PLK1: variants seen among roughly 807,000 people sequenced by gnomAD.
The protein encoded by PLK1 is serine/threonine-protein kinase PLK1.
Under a neutral mutation model 56.7 loss-of-function variants are expected in PLK1, and 6 were observed. The observed-to-expected ratio is 0.11, with a 90% CI of 0.06 to 0.21. The LOEUF (loss-of-function observed/expected upper bound fraction) is 0.21, where lower values mean the gene tolerates loss of function less well. Among genes scored for constraint, PLK1 ranks in the 10% least tolerant of loss-of-function variants. The pLI is 1.00. For synonymous variants in PLK1, 298 were observed against 325.0 expected (o/e 0.92, Z 0.89); for missense variants, 546 against 814.4 (o/e 0.67, Z 4.01).
chr16:23,687,462 T>G lies in PLK1; in HGVS notation c.1037-7T>G. 1 of 1,560,402 alleles carries G rather than the reference T, an allele frequency of 6.4e-7. No homozygotes were observed. On this transcript the variant is annotated splice_polypyrimidine_tract_variant and splice_region_variant and intron_variant, in intron 5 of 9. Transcript: ENST00000300093. ...TCCCAACGCCCCTGTTTTTGTCACC[T>G]TCCTAGGCTTGGAGAACCCCCTGCC... is the stretch of plus-strand genomic sequence containing the variant.
At position 23,689,082 on chromosome 16, in the gene PLK1, T is replaced by A. The variant is rs1959485305; in HGVS notation, c.1271-156T>A. ...AATATTTTGTAGAGATGGGGTCTCA[T>A]TACGTTGCCCAGGCTGGTCTCAAAC... On this transcript the variant is annotated intron_variant, in intron 7 of 9. Coordinates refer to ENST00000300093, the MANE Select transcript of PLK1 (RefSeq NM_005030.6). This position sits in a 1 kb window ranked among gnomAD's most constrained non-coding sequence, Gnocchi z 4.8. Among the ~76,000 whole-genome samples the A allele has an allele frequency of 6.6e-6, 1 of 152,090 alleles. No individual in the cohort carries two copies. The highest frequency in any genetic ancestry group is 1.5e-5 in the Non-Finnish European group (1 of 68,000).
Position 23,689,445 on chromosome 16 carries a change from T to C in PLK1, c.1426-49T>C. 1 of 1,601,104 alleles carries C rather than the reference T, an allele frequency of 6.2e-7. No individual in the cohort carries two copies. Among genetic ancestry groups the C allele is most frequent in the South Asian group, 1.1e-5 (1 of 90,804 alleles). ...GGTGTTGCAGAAGTGGGACCTGTGC[T>C]GGAGGATCAGACTCTAATTCTGGAA... On this transcript the variant is annotated intron_variant, in intron 8 of 9. Coordinates refer to ENST00000300093, the MANE Select transcript of PLK1 (RefSeq NM_005030.6). The surrounding 1 kb of genome is among the most constrained non-coding windows in gnomAD (Gnocchi z 4.8).
intron 5 of PLK1, among the ~76,000 whole-genome samples, chr16:23,684,957 CTTTTTTTTTTTTTTTTTTTTTTTTTT>C (rs71154221): frequency 6.3e-4 from 36 of 56,942 alleles, no homozygotes; most frequent in South Asian, 2.5e-3. Context: ...CAGGCCCGGC[CTTTTTTTTTTTTTTTTTTTTTTTTTT>C]TTTTTTTTTT....
Position 23,687,673 on chromosome 16 carries a change from G to C in PLK1, c.1192+49G>C, listed in dbSNP as rs751761249. On this transcript the variant is annotated intron_variant, in intron 6 of 9. Transcript: ENST00000300093. ...GGGGCAGGATTGCTTGGGGCATCTG[G>C]AAAAGGCAGGAGGAGGCTTGGCCAA... 2.1e-6 allele frequency: 3 copies of C among 1,405,220 alleles called. No homozygotes were observed. The African/African-American group carries it at 4.3e-5, about 20-fold the overall frequency. The allele number at this position is 1,405,220 out of a possible 1,614,324, so 87.0% of individuals were successfully genotyped here. A position where few individuals can be genotyped will look rare whatever the true frequency, so the allele number is the denominator to read the frequency against.
At chr16:23,687,415 T>G (rs1199246320) in intron 5 of PLK1, 54 bp from the exon 6 acceptor site, 1 of 1,399,042 alleles carries the variant, frequency 7.1e-7, no homozygotes, top group Non-Finnish European at 9.6e-7. Context: ...GTTTCAGCTG[T>G]GGCAGGGGAG....
rs1959471391 is a variant in PLK1 at position 23,688,653 on chromosome 16, C to A, written c.1193-15C>A. 1.9e-6 allele frequency: 3 copies of A among 1,602,510 alleles called. No individual in the cohort carries two copies. The highest frequency in any genetic ancestry group is 2.6e-6 in the Non-Finnish European group (3 of 1,169,442). On this transcript the variant is annotated splice_polypyrimidine_tract_variant and intron_variant, in intron 6 of 9. Coordinates refer to ENST00000300093, the MANE Select transcript of PLK1 (RefSeq NM_005030.6). Reference sequence around the variant, plus strand: ...TGGTCCTGACCAACTAACTGTCTGTCTGTTTCTGTCTCAGAGGAGGCTGAG... The same window carrying A: ...TGGTCCTGACCAACTAACTGTCTGTATGTTTCTGTCTCAGAGGAGGCTGAG...
intron 1 of PLK1, 91 bp from the exon 2 acceptor site, chr16:23,679,993 C>A: frequency 1.1e-6 from 1 of 870,622 alleles, no homozygotes; most frequent in Non-Finnish European, 1.8e-6. Context: ...AGAGTCCAGT[C>A]CTGTGCTTCC....
rs749143196 is a variant in PLK1 at position 23,689,229 on chromosome 16, G to T, written c.1271-9G>T. On this transcript the variant is annotated splice_polypyrimidine_tract_variant and intron_variant, in intron 7 of 9. Transcript: ENST00000300093. The surrounding 1 kb of genome is among the most constrained non-coding windows in gnomAD (Gnocchi z 4.8). The stretch of plus-strand genomic sequence containing the variant: ...CCCCTTTCTGAGACCTCTCTCCACC[G>T]ATCCCTAGGGTATCAGCTCTGTGAT... The T allele has an allele frequency of 6.3e-7, 1 of 1,599,510 alleles. No individual in the cohort carries two copies. Among genetic ancestry groups the T allele is most frequent in the East Asian group, 2.3e-5 (1 of 44,434 alleles).
intron 4 of PLK1, among the ~76,000 whole-genome samples, chr16:23,682,985 C>CTTTTTTTTTTT (rs1031796646): frequency 2.2e-5 from 2 of 91,514 alleles, no homozygotes; most frequent in Non-Finnish European, 4.2e-5. Flanking sequence ...TGTGCATTTT[C>CTTTTTTTTTTT]TTTTTTTTTT....
In PLK1 at chr16:23,687,503, A is replaced by G. The variant is rs1959447917; in HGVS notation, c.1071A>G (p.Glu357=). The part of the protein sequence containing the change: ...LENPLPERPR[E]KEEPVVRETG... ...ACCCCCTGCCTGAGCGTCCCCGGGA[A>G]AAAGAAGAACCAGTGGTTCGAGAGA... Residue 357 remains glutamate (E), a synonymous_variant, in exon 6 of 10, where the codon GAA becomes GAG. Coordinates refer to ENST00000300093, the MANE Select transcript of PLK1 (RefSeq NM_005030.6). 1 of 1,597,036 alleles carries G rather than the reference A, an allele frequency of 6.3e-7. No homozygotes were observed. Among genetic ancestry groups the G allele is most frequent in the Non-Finnish European group, 8.6e-7 (1 of 1,169,576 alleles).
Position 23,682,100 on chromosome 16 carries a change from T to A in PLK1, c.759T>A (p.Thr253=), listed in dbSNP as rs1340538484. 1 of 1,608,866 alleles carries A rather than the reference T, an allele frequency of 6.2e-7. No homozygotes were observed. The highest frequency in any genetic ancestry group is 8.5e-7 in the Non-Finnish European group (1 of 1,175,328). Reference sequence around the variant, plus strand: ...TAGTGGGCAAACCACCTTTTGAGACTTCTTGCCTAAAAGAGACCTACCTCC... The same window carrying A: ...TAGTGGGCAAACCACCTTTTGAGACATCTTGCCTAAAAGAGACCTACCTCC... ...TLLVGKPPFE[T]SCLKETYLRI... The change falls in exon 4 of 10, where the codon ACT becomes ACA. Residue 253 remains threonine, a synonymous_variant. Coordinates refer to ENST00000300093, the MANE Select transcript of PLK1 (RefSeq NM_005030.6).
Position 23,688,665 on chromosome 16 carries a change from C to T in PLK1, c.1193-3C>T, listed in dbSNP as rs374194609. Reference sequence around the variant, plus strand: ...ACTAACTGTCTGTCTGTTTCTGTCTCAGAGGAGGCTGAGGATCCTGCCTGC... The same window carrying T: ...ACTAACTGTCTGTCTGTTTCTGTCTTAGAGGAGGCTGAGGATCCTGCCTGC... On this transcript the variant is annotated splice_region_variant and splice_polypyrimidine_tract_variant and intron_variant, in intron 6 of 9. Transcript: ENST00000300093. The T allele has an allele frequency of 2.2e-5, 35 of 1,611,474 alleles. No homozygotes were observed. In the African/African-American group the frequency reaches 4.3e-4, roughly 20 times the overall value.
At chr16:23,682,994 T>C (rs1021513412) in intron 4 of PLK1, among the ~76,000 whole-genome samples, 9 of 141,482 alleles carry the variant, frequency 6.4e-5, no homozygotes, top group Admixed American at 4.9e-4. Flanking sequence ...TCTTTTTTTT[T>C]TTTTTTTTTT....
At position 23,680,149 on chromosome 16, in the gene PLK1, G is replaced by C. The variant is rs1190560615; in HGVS notation, c.474G>C (p.Arg158=). ...LTEPEARYYL[R]QIVLGCQYLH... The stretch of plus-strand genomic sequence containing the variant: ...AGCCTGAGGCCCGATACTACCTACG[G>C]CAAATTGTGCTTGGCTGCCAGTACC... The change falls in exon 2 of 10, where the codon CGG becomes CGC. Residue 158 remains arginine (R), a synonymous_variant. Transcript: ENST00000300093. 1 of 1,613,966 alleles carries C rather than the reference G, an allele frequency of 6.2e-7. No homozygotes were observed. The highest frequency in any genetic ancestry group is 8.5e-7 in the Non-Finnish European group (1 of 1,179,912).
Position 23,687,770 on chromosome 16 carries a change from G to C in PLK1, c.1192+146G>C, listed in dbSNP as rs139017288. On this transcript the variant is annotated intron_variant, in intron 6 of 9. Coordinates refer to ENST00000300093, the MANE Select transcript of PLK1 (RefSeq NM_005030.6). ...GTTTCCCCATTTCCTGATATCCAAG[G>C]CCCTGCTTCCGTGGCTCCTGCCGCC... The C allele has an allele frequency of 7.0e-4, 354 of 508,246 alleles. 4 individuals are homozygous for C. The East Asian group carries it at 0.012, about 17-fold the overall frequency. The allele number at this position is 508,246 out of a possible 1,614,324, so 31.5% of individuals were successfully genotyped here. A position where few individuals can be genotyped will look rare whatever the true frequency, so the allele number is the denominator to read the frequency against.
At chr16:23,681,741 G>A (rs1045886223) in intron 3 of PLK1, among the ~76,000 whole-genome samples, 8 of 152,180 alleles carry the variant, frequency 5.3e-5, no homozygotes, top group African/African-American at 9.7e-5. Flanking sequence ...TTCTGTAAGC[G>A]CAGGTAGCCC....
At chr16:23,685,569 G>A (rs916657660) in intron 5 of PLK1, among the ~76,000 whole-genome samples, 6 of 152,150 alleles carry the variant, frequency 3.9e-5, no homozygotes, top group South Asian at 4.1e-4. Flanking sequence ...CTAGCCGGGC[G>A]TGGTGGTGTG....
At chr16:23,688,193 C>T (rs1385530842) in intron 6 of PLK1, among the ~76,000 whole-genome samples, 1 of 152,268 alleles carries the variant, frequency 6.6e-6, no homozygotes, top group African/African-American at 2.4e-5. Flanking sequence ...GTGTTTGCAA[C>T]TGGCTTCTGT....
chr16:23,682,476 A>G (rs1012392489), intron 4 of PLK1, among the ~76,000 whole-genome samples: 5 of 152,088 alleles, frequency 3.3e-5, no homozygotes, highest in Non-Finnish European at 7.3e-5. Context: ...TCTTAATTCA[A>G]ATGGATTCTG....
Sources: allele counts gnomAD v4.1 joint callset (sites outside exome capture counted in the v4.1 genomes callset), GRCh38; gene constraint gnomAD v4.1.1; non-coding constraint Gnocchi (gnomAD v3.1); transcripts MANE v1.5; gene names NCBI Gene and HGNC (gene_info 2026-07-23, HGNC 2026-07-21).